The following FGFR1 variants were observed in gnomAD, a reference collection of about 807,000 sequenced individuals.
FGFR1 encodes fibroblast growth factor receptor 1.
Under a neutral mutation model 93.7 loss-of-function variants are expected in FGFR1, and 18 were observed. The ratio of observed to expected loss-of-function variants is 0.19; its 90% confidence interval spans 0.13 to 0.28. The LOEUF (loss-of-function observed/expected upper bound fraction) is 0.28. Ranked by LOEUF, FGFR1 falls within the 10% of genes least tolerant of loss-of-function variation. The pLI is 1.00. For synonymous variants in FGFR1, 448 were observed against 429.3 expected (o/e 1.04, Z -0.54); for missense variants, 731 against 1,080.4 (o/e 0.68, Z 4.53).
chr8:38,451,235 A>G lies in FGFR1; in HGVS notation c.91+6121T>C, dbSNP rs187009176. On this transcript the variant is annotated intron_variant, in intron 2 of 17. Coordinates refer to ENST00000447712, the MANE Select transcript of FGFR1 (RefSeq NM_023110.3). The stretch of plus-strand genomic sequence containing the variant: ...CAAGTTCTTTTCATCATAAGAAATC[A>G]TGCTGGAGATGGGGTGGGAGTAGGG... Among the ~76,000 whole-genome samples, 120 of 151,242 alleles carry G rather than the reference A, an allele frequency of 7.9e-4. 1 individual carries two copies. The highest frequency in any genetic ancestry group is 4.7e-4 in the Non-Finnish European group (32 of 67,770).
intron 1 of FGFR1, among the ~76,000 whole-genome samples, chr8:38,467,468 T>C (rs1218385275): frequency 6.6e-6 from 1 of 152,048 alleles, no homozygotes; most frequent in Non-Finnish European, 1.5e-5. Context: ...ATGCCCCGGA[T>C]TTTTAGCGTT....
rs200408837 is a variant in FGFR1, at chr8:38,413,736, C to A, written c.2361G>T (p.Thr787=). The change falls in exon 18 of 18, where the codon ACG becomes ACT. Residue 787 remains threonine (T), a synonymous_variant. Coordinates refer to ENST00000447712, the MANE Select transcript of FGFR1 (RefSeq NM_023110.3). This position sits in a 1 kb window ranked among gnomAD's most constrained non-coding sequence, Gnocchi z 4.2. ...AGACGGAATCCTCCCCTGAGGAGCA[C>A]GTAGAGCTCCGGGTGTCGGGAAAGC... ...SPSFPDTRSS[T]CSSGEDSVFS... 6.2e-7 allele frequency: 1 copy of A among 1,614,066 alleles called. No individual in the cohort carries two copies. The highest frequency in any genetic ancestry group is 8.5e-7 in the Non-Finnish European group (1 of 1,179,996).
Position 38,423,951 on chromosome 8 carries a change from C to T in FGFR1, c.936+558G>A, listed in dbSNP as rs1439759348. 4 of 182,576 alleles carry T rather than the reference C, an allele frequency of 2.2e-5. No individual in the cohort carries two copies. The Admixed American group carries it at 2.2e-4, about 10-fold the overall frequency. 11.3% of individuals were successfully genotyped at this position (182,576 alleles called of 1,614,324 possible). On this transcript the variant is annotated intron_variant, in intron 7 of 17. Coordinates refer to ENST00000447712, the MANE Select transcript of FGFR1 (RefSeq NM_023110.3). ...GATCCACTGGAGATTTAGGCAATTA[C>T]CTTCCCTGGATTAATGGAGCATTCA...
intron 2 of FGFR1, among the ~76,000 whole-genome samples, chr8:38,432,687 C>T (rs1034412092): frequency 1.3e-5 from 2 of 152,092 alleles, no homozygotes; most frequent in South Asian, 2.1e-4. Context: ...TGAGCCATGG[C>T]GCCCAGCCGG....
chr8:38,438,224 T>C (rs1027323813), intron 2 of FGFR1, among the ~76,000 whole-genome samples: 5 of 152,158 alleles, frequency 3.3e-5, no homozygotes, highest in Non-Finnish European at 7.3e-5. Context: ...ACTTAGAATC[T>C]TGTGAAGTAT....
chr8:38,454,443 C>A (rs1832088989), intron 2 of FGFR1, among the ~76,000 whole-genome samples: 1 of 152,196 alleles, frequency 6.6e-6, no homozygotes, highest in Non-Finnish European at 1.5e-5. Context: ...TCAAACCTCC[C>A]ACTCTGACTC....
At chr8:38,436,688 G>C (rs988564294) in intron 2 of FGFR1, among the ~76,000 whole-genome samples, 1 of 116,416 alleles carries the variant, frequency 8.6e-6, no homozygotes, top group Non-Finnish European at 1.9e-5. Flanking sequence ...GGAGCCCACC[G>C]GAGACCCACA....
At chr8:38,420,032 G>A in intron 8 of FGFR1, 2 of 426,636 alleles carry the variant, frequency 4.7e-6, no homozygotes, top group South Asian at 5.0e-5. Flanking sequence ...GGACTGGAGA[G>A]GTACAGGCAC....
In FGFR1 at chr8:38,468,061, G is replaced by C. The variant is rs1325159177; in HGVS notation, c.-169C>G. ...GGCGTGTGCCCGCGTCCCCGGCTCC[G>C]GCCCGCCGCCCCCGGGCTCTGTTCG... On this transcript the variant is annotated 5_prime_UTR_variant, in exon 1 of 18. Coordinates refer to ENST00000447712, the MANE Select transcript of FGFR1 (RefSeq NM_023110.3). 1 of 223,694 alleles carries C rather than the reference G, an allele frequency of 4.5e-6. No individual in the cohort carries two copies. The highest frequency in any genetic ancestry group is 6.3e-5 in the East Asian group (1 of 15,802). The allele number at this position is 223,694 out of a possible 1,614,324, so 13.9% of individuals were successfully genotyped here. A position where few individuals can be genotyped will look rare whatever the true frequency, so the allele number is the denominator to read the frequency against.
chr8:38,437,681 G>C (rs1049760371), intron 2 of FGFR1, among the ~76,000 whole-genome samples: 5 of 152,170 alleles, frequency 3.3e-5, no homozygotes, highest in East Asian at 1.9e-4. Flanking sequence ...CAGCTGGCCA[G>C]GAACAGAAGG....
chr8:38,465,026 G>C (rs1349255513), intron 1 of FGFR1, among the ~76,000 whole-genome samples: 1 of 152,204 alleles, frequency 6.6e-6, no homozygotes, highest in Non-Finnish European at 1.5e-5. Context: ...TCTAAGGCTT[G>C]AATCTGCCTA....
intron 2 of FGFR1, among the ~76,000 whole-genome samples, chr8:38,452,660 C>T (rs895711571): frequency 6.6e-6 from 1 of 152,140 alleles, no homozygotes; most frequent in East Asian, 1.9e-4. Context: ...ACTGTGCTCG[C>T]CCTATGATTT....
intron 2 of FGFR1, among the ~76,000 whole-genome samples, chr8:38,453,807 G>T (rs900848185): frequency 6.6e-6 from 1 of 152,084 alleles, no homozygotes; most frequent in Non-Finnish European, 1.5e-5. Flanking sequence ...CAGGAGAATC[G>T]CTTGAACCTG....
chr8:38,433,555 C>A (rs947411565), intron 2 of FGFR1, among the ~76,000 whole-genome samples: 4 of 152,164 alleles, frequency 2.6e-5, no homozygotes, highest in African/African-American at 9.7e-5. Flanking sequence ...AGTGATCTGC[C>A]CGCCTCGGTC....
intron 2 of FGFR1, among the ~76,000 whole-genome samples, chr8:38,450,305 G>T (rs1038035316): frequency 5.3e-5 from 8 of 152,132 alleles, no homozygotes; most frequent in African/African-American, 1.7e-4. Flanking sequence ...GGACTTCCCC[G>T]GTCAACAGGG....
chr8:38,445,271 C>T (rs1013452699), intron 2 of FGFR1, among the ~76,000 whole-genome samples: 1 of 152,140 alleles, frequency 6.6e-6, no homozygotes, highest in African/African-American at 2.4e-5. Context: ...GCTACCAGCA[C>T]CTTCAATAAA....
chr8:38,442,362 G>GGTGGGTGTGTGTGTGTGT (rs1827786397), intron 2 of FGFR1, among the ~76,000 whole-genome samples: 1 of 145,980 alleles, frequency 6.9e-6, no homozygotes, highest in Non-Finnish European at 1.5e-5. Context: ...TTGTTAAAGT[G>GGTGGGTGTGTGTGTGTGT]GTGTGTGTGT....
In FGFR1 at chr8:38,418,000, G is replaced by A; in HGVS notation, c.1431-9C>T. ...GTTTGCCTAAGACCAGTCTTTCGGG[G>A]GAAACAGAGAGTGGCATAAGTTGGG... On this transcript the variant is annotated splice_polypyrimidine_tract_variant and intron_variant, in intron 10 of 17. Transcript: ENST00000447712. The A allele has an allele frequency of 6.2e-7, 1 of 1,614,162 alleles. No individual in the cohort carries two copies. Among genetic ancestry groups the A allele is most frequent in the Non-Finnish European group, 8.5e-7 (1 of 1,180,022 alleles).
intron 1 of FGFR1, among the ~76,000 whole-genome samples, chr8:38,463,607 G>C (rs1834894732): frequency 6.6e-6 from 1 of 151,850 alleles, no homozygotes; most frequent in Non-Finnish European, 1.5e-5. Context: ...ATGAGTAAGT[G>C]AATGAAGGAA....
Sources: gnomAD v4.1 joint callset for allele counts (sites outside exome capture counted in the v4.1 genomes callset) on GRCh38, gnomAD v4.1.1 for gene constraint, Gnocchi (gnomAD v3.1) non-coding constraint, MANE v1.5 for transcripts, NCBI Gene and HGNC (gene_info 2026-07-23, HGNC 2026-07-21) for gene names.